Variants in STK32A observed in about 807,000 individuals in gnomAD.
STK32A encodes serine/threonine kinase 32A, also known as serine/threonine-protein kinase 32A.
STK32A carries 41 observed loss-of-function variants against 53.2 expected under a neutral mutation model. The observed-to-expected ratio is 0.77, with a 90% CI of 0.60 to 1.00. The LOEUF is 1.00. Ranked by LOEUF, STK32A falls within the 50% of genes least tolerant of loss-of-function variation. The pLI is 0.00. For missense variants in STK32A, 458 were observed against 485.8 expected (o/e 0.94, Z 0.54); for synonymous variants, 166 against 162.8 (o/e 1.02, Z -0.15).
intron 2 of STK32A, among the ~76,000 whole-genome samples, chr5:147,260,090 TG>T (rs1754449117): frequency 1.4e-5 from 1 of 71,460 alleles, no homozygotes; most frequent in Admixed American, 1.6e-4. Flanking sequence ...CGCTCTCCTC[TG>T]TCTCTGTCTC....
At chr5:147,261,854 A>G (rs550737770) in intron 2 of STK32A, among the ~76,000 whole-genome samples, 1 of 151,890 alleles carries the variant, frequency 6.6e-6, no homozygotes, top group East Asian at 1.9e-4. Flanking sequence ...TGGAAAAGGC[A>G]TGTATTCACC....
At chr5:147,320,190 A>C (rs1433104058) in intron 4 of STK32A, among the ~76,000 whole-genome samples, 1 of 152,238 alleles carries the variant, frequency 6.6e-6, no homozygotes, top group Non-Finnish European at 1.5e-5. Context: ...AAAACACTGC[A>C]TTGTAGAATA....
chr5:147,401,418 A>T, the STK32A span: 1 of 1,147,334 alleles, frequency 8.7e-7, no homozygotes, highest in Non-Finnish European at 1.2e-6. Context: ...AATTCCCAAT[A>T]CACTGTTCAC....
intron 4 of STK32A, among the ~76,000 whole-genome samples, chr5:147,315,003 C>T (rs186736119): frequency 2.0e-5 from 3 of 152,112 alleles, no homozygotes; most frequent in Admixed American, 1.3e-4. Flanking sequence ...CCTCAGCCCC[C>T]CAAAGTGCTG....
downstream of STK32A, chr5:147,392,270 C>T (rs1581166031): frequency 6.6e-6 from 1 of 152,314 alleles, no homozygotes; most frequent in East Asian, 1.9e-4. Flanking sequence ...CTTCCCTATT[C>T]TAAGGGGAAA....
At chr5:147,282,895 A>T (rs759835816) in intron 4 of STK32A, among the ~76,000 whole-genome samples, 1 of 152,222 alleles carries the variant, frequency 6.6e-6, no homozygotes, top group Non-Finnish European at 1.5e-5. Context: ...ATCAAGAGAG[A>T]AAGTCAACAA....
chr5:147,297,411 C>T (rs1991068), intron 4 of STK32A, among the ~76,000 whole-genome samples: 124,538 of 152,108 alleles, frequency 0.82, 51,774 homozygotes, highest in African/African-American at 0.95. Flanking sequence ...TTTAAACAAA[C>T]AGGACTGCTT....
Position 147,330,815 on chromosome 5 carries a change from G to A in STK32A, c.434+6744G>A, listed in dbSNP as rs544097467. On this transcript the variant is annotated intron_variant, in intron 5 of 12. Transcript: ENST00000397936. ...GTAATGACCTGTCTACAGAGCCTGT[G>A]ATAGTGACTTGTGATAAATGGCTAT... Among the ~76,000 whole-genome samples the A allele has an allele frequency of 1.6e-3, 249 of 152,304 alleles. 2 individuals carry two copies. The Middle Eastern group carries it at 0.017, about 10-fold the overall frequency.
chr5:147,358,287 G>C (rs1756347652), intron 7 of STK32A, among the ~76,000 whole-genome samples: 1 of 152,168 alleles, frequency 6.6e-6, no homozygotes, highest in South Asian at 2.1e-4. Flanking sequence ...TTATTGCCAA[G>C]TGTGGGTAAG....
intron 8 of STK32A, among the ~76,000 whole-genome samples, chr5:147,369,780 A>G (rs1048805489): frequency 2.0e-5 from 3 of 152,160 alleles, no homozygotes; most frequent in Non-Finnish European, 2.9e-5. Context: ...TTAATCGAAT[A>G]TGGAAATTTT....
chr5:147,241,900 A>C (rs1476746210), intron 2 of STK32A, among the ~76,000 whole-genome samples: 1 of 152,204 alleles, frequency 6.6e-6, no homozygotes, highest in East Asian at 1.9e-4. Flanking sequence ...CTACATTTGA[A>C]GGTAGTAGAA....
chr5:147,275,811 C>A (rs1755232480), intron 2 of STK32A, among the ~76,000 whole-genome samples: 1 of 152,122 alleles, frequency 6.6e-6, no homozygotes, highest in Non-Finnish European at 1.5e-5. Flanking sequence ...TGGGAGGTCA[C>A]ATTTAGTTAA....
intron 4 of STK32A, among the ~76,000 whole-genome samples, chr5:147,306,154 T>C (rs1753396269): frequency 6.6e-6 from 1 of 151,910 alleles, no homozygotes; most frequent in South Asian, 2.1e-4. Context: ...TTCCAGCAAA[T>C]GTGTAATGGT....
intron 7 of STK32A, among the ~76,000 whole-genome samples, chr5:147,354,983 GTCT>G (rs1424057050): frequency 6.6e-6 from 1 of 152,092 alleles, no homozygotes; most frequent in African/African-American, 2.4e-5. Context: ...GAAGTCTGCT[GTCT>G]CTTTTTAAAA....
intron 8 of STK32A, 71 bp from the exon 9 acceptor site, chr5:147,370,583 G>C: frequency 1.0e-6 from 1 of 966,162 alleles, no homozygotes. Flanking sequence ...GTTTAGCTTG[G>C]AAACATTTGG....
chr5:147,362,805 C>G (rs1267967420), intron 8 of STK32A, among the ~76,000 whole-genome samples: 1 of 152,160 alleles, frequency 6.6e-6, no homozygotes, highest in Non-Finnish European at 1.5e-5. Context: ...GACAAGTGGC[C>G]AGGCACTGGC....
intron 2 of STK32A, among the ~76,000 whole-genome samples, chr5:147,243,927 G>A (rs192580208): frequency 3.3e-4 from 50 of 151,900 alleles, no homozygotes; most frequent in Admixed American, 2.5e-3. Flanking sequence ...TAGAATATAC[G>A]GTTTATGACA....
chr5:147,364,719 CT>C (rs887033706), intron 8 of STK32A, among the ~76,000 whole-genome samples: 38 of 152,230 alleles, frequency 2.5e-4, no homozygotes, highest in African/African-American at 8.7e-4. Flanking sequence ...GAGATAATCT[CT>C]TTCTCTTCTT....
At chr5:147,342,353 T>G (rs1469999659) in intron 5 of STK32A, 1 of 152,354 alleles carries the variant, frequency 6.6e-6, no homozygotes, top group Non-Finnish European at 1.5e-5. Context: ...GTGGTCAGAA[T>G]ATATGGGATT....
Sources: gnomAD v4.1 joint callset for allele counts (sites outside exome capture counted in the v4.1 genomes callset) on GRCh38, gnomAD v4.1.1 for gene constraint, MANE v1.5 for transcripts, NCBI Gene and HGNC (gene_info 2026-07-23, HGNC 2026-07-21) for gene names.